Variants in LRP1B observed in about 807,000 individuals in gnomAD.
LRP1B encodes LDL receptor related protein 1B, also known as low-density lipoprotein receptor-related protein 1B.
In LRP1B, 217 loss-of-function variants were observed where a neutral mutation model predicts 556.6. That is an observed-to-expected ratio of 0.39 (90% CI 0.35 to 0.44). The LOEUF (loss-of-function observed/expected upper bound fraction) is 0.44, where lower values mean the gene tolerates loss of function less well. Ranked by LOEUF, LRP1B falls within the 20% of genes least tolerant of loss-of-function variation. The pLI is 1.00. For missense variants in LRP1B, 5,053 were observed against 5,620.8 expected, an observed-to-expected ratio of 0.90 and a Z score of 3.23; for synonymous variants, 2,047 against 1,865.8, an observed-to-expected ratio of 1.10 and a Z score of -2.50.
At chr2:141,172,333 A>G (rs770194149) in intron 7 of LRP1B, among the ~76,000 whole-genome samples, 4 of 152,100 alleles carry the variant, frequency 2.6e-5, no homozygotes, top group Non-Finnish European at 5.9e-5. Flanking sequence ...TCCTTATGAC[A>G]AAGACATAAT....
rs1162052157 is a variant in LRP1B, at chr2:140,700,350, T to C, written c.6699A>G (p.Gln2233=). 4 of 1,613,070 alleles carry C rather than the reference T, an allele frequency of 2.5e-6. No individual in the cohort carries two copies. Among genetic ancestry groups the C allele is most frequent in the African/African-American group, 2.7e-5 (2 of 74,834 alleles). Residue 2233 remains glutamine, a synonymous_variant, in exon 41 of 91, where the codon CAA becomes CAG. Coordinates refer to ENST00000389484, the MANE Select transcript of LRP1B (RefSeq NM_018557.3). ...AGATTCGGTTGGTACCTTTTCTTCT[T>C]TGATTATAGTCAAAAGCCAAGGCTA... ...NVIALAFDYN[Q]RRKGTNRIFY...
At chr2:140,589,260 A>T (rs1483172188) in intron 43 of LRP1B, among the ~76,000 whole-genome samples, 1 of 152,190 alleles carries the variant, frequency 6.6e-6, no homozygotes, top group Non-Finnish European at 1.5e-5. Context: ...AACAAACTAC[A>T]AAGTGGGGGA....
chr2:141,070,668 G>A (rs1699613779), intron 7 of LRP1B, among the ~76,000 whole-genome samples: 1 of 151,818 alleles, frequency 6.6e-6, no homozygotes, highest in African/African-American at 2.4e-5. Flanking sequence ...AATGATAAAG[G>A]GGATATCACC....
chr2:140,431,637 TC>T lies in LRP1B; in HGVS notation c.10414+10866del, dbSNP rs557127714. Among the ~76,000 whole-genome samples the T allele has an allele frequency of 5.9e-5, 9 of 152,302 alleles. 1 individual carries two copies. In the East Asian group the frequency reaches 1.7e-3, roughly 29 times the overall value. On this transcript the variant is annotated intron_variant, in intron 66 of 90. Coordinates refer to ENST00000389484, the MANE Select transcript of LRP1B (RefSeq NM_018557.3). Reference sequence around the variant, plus strand: ...GACTATGCTGAATCTCCTTAGGCACTCTCTAATTAGATGTCCTGGGTCCTCC... The same window carrying T: ...GACTATGCTGAATCTCCTTAGGCACTTCTAATTAGATGTCCTGGGTCCTCC...
chr2:141,155,782 T>C (rs543067470), intron 7 of LRP1B, among the ~76,000 whole-genome samples: 5 of 152,306 alleles, frequency 3.3e-5, no homozygotes, highest in Non-Finnish European at 5.9e-5. Flanking sequence ...CATTATGTGA[T>C]ACAATTTTAA....
chr2:140,607,515 C>A (rs921183508), intron 41 of LRP1B, among the ~76,000 whole-genome samples: 1 of 151,908 alleles, frequency 6.6e-6, no homozygotes, highest in African/African-American at 2.4e-5. Context: ...GAAGAAACAG[C>A]CCAGATGTCA....
chr2:140,976,402 A>C (rs944427675), intron 18 of LRP1B, among the ~76,000 whole-genome samples: 1 of 151,764 alleles, frequency 6.6e-6, no homozygotes, highest in Non-Finnish European at 1.5e-5. Context: ...TACTATCTAC[A>C]TGGTTATAAA....
At chr2:141,834,045 C>T (rs1030312539) in intron 1 of LRP1B, among the ~76,000 whole-genome samples, 4 of 151,698 alleles carry the variant, frequency 2.6e-5, no homozygotes, top group African/African-American at 9.7e-5. Context: ...AGCAATCTCT[C>T]CAGTGAGTAT....
intron 66 of LRP1B, among the ~76,000 whole-genome samples, chr2:140,440,965 C>T (rs965383511): frequency 2.0e-5 from 3 of 152,094 alleles, no homozygotes; most frequent in African/African-American, 7.2e-5. Flanking sequence ...GACTTGCTAG[C>T]TATGGGAATT....
chr2:141,607,270 C>T (rs10496887), intron 2 of LRP1B, among the ~76,000 whole-genome samples: 98,634 of 151,970 alleles, frequency 0.65, 34,748 homozygotes, highest in Non-Finnish European at 0.79. Flanking sequence ...TTGCAAATTA[C>T]TCCTACTAAA....
intron 1 of LRP1B, among the ~76,000 whole-genome samples, chr2:142,093,859 A>G (rs1321156323): frequency 1.3e-5 from 2 of 152,066 alleles, no homozygotes; most frequent in East Asian, 1.9e-4. Context: ...CAGGCAATAC[A>G]CTTCTCCTTT....
intron 31 of LRP1B, among the ~76,000 whole-genome samples, chr2:140,837,064 C>A (rs1273933664): frequency 1.3e-5 from 2 of 152,194 alleles, no homozygotes; most frequent in Non-Finnish European, 2.9e-5. Context: ...CTTAATACTA[C>A]AATCATATGA....
chr2:141,654,705 C>G (rs1324335351), intron 2 of LRP1B, among the ~76,000 whole-genome samples: 1 of 152,046 alleles, frequency 6.6e-6, no homozygotes, highest in Admixed American at 6.6e-5. Context: ...CAAAATGCAC[C>G]CAAATTTGAA....
intron 62 of LRP1B, among the ~76,000 whole-genome samples, chr2:140,451,262 A>G (rs890336921): frequency 6.6e-6 from 1 of 152,170 alleles, no homozygotes; most frequent in Non-Finnish European, 1.5e-5. Flanking sequence ...CTACTTGTAC[A>G]CTACAGCAGC....
intron 7 of LRP1B, among the ~76,000 whole-genome samples, chr2:141,139,685 G>A (rs373701780): frequency 6.6e-6 from 1 of 151,658 alleles, no homozygotes; most frequent in Non-Finnish European, 1.5e-5. Flanking sequence ...ATTTAAAAAA[G>A]ACCGACTAGA....
chr2:140,790,273 T>A (rs978983894), intron 32 of LRP1B, among the ~76,000 whole-genome samples: 1 of 151,958 alleles, frequency 6.6e-6, no homozygotes, highest in Admixed American at 6.5e-5. Context: ...CTGGAAAAAA[T>A]TGGGGCTAAT....
intron 3 of LRP1B, among the ~76,000 whole-genome samples, chr2:141,374,283 C>A (rs1467010076): frequency 6.6e-6 from 1 of 152,038 alleles, no homozygotes; most frequent in Admixed American, 6.5e-5. Flanking sequence ...TGACTAGATA[C>A]TTTTCTCTTG....
chr2:140,559,862 T>A (rs1170887704), intron 43 of LRP1B, among the ~76,000 whole-genome samples: 1 of 151,838 alleles, frequency 6.6e-6, no homozygotes, highest in African/African-American at 2.4e-5. Context: ...TTGAAAATTA[T>A]CACTTGGCAA....
intron 41 of LRP1B, among the ~76,000 whole-genome samples, chr2:140,666,901 A>G (rs1685296264): frequency 6.6e-6 from 1 of 152,214 alleles, no homozygotes; most frequent in Non-Finnish European, 1.5e-5. Flanking sequence ...AAGCTAGCAC[A>G]CATTCTCCCT....
Sources: gnomAD v4.1 joint callset for allele counts (sites outside exome capture counted in the v4.1 genomes callset) on GRCh38, gnomAD v4.1.1 for gene constraint, MANE v1.5 for transcripts, NCBI Gene and HGNC (gene_info 2026-07-23, HGNC 2026-07-21) for gene names.